COL19A1: variants seen among roughly 807,000 people sequenced by gnomAD.
COL19A1 encodes the protein collagen type XIX alpha 1 chain.
Under a neutral mutation model 190.2 loss-of-function variants are expected in COL19A1, and 159 were observed. The ratio of observed to expected loss-of-function variants is 0.84; its 90% CI spans 0.73 to 0.95. The LOEUF is 0.95. Among genes scored for constraint, COL19A1 ranks in the 40% least tolerant of loss-of-function variants. COL19A1 has a pLI of 0.00. For missense variants in COL19A1, 1,418 were observed against 1,431.9 expected (o/e 0.99, Z 0.16); for synonymous variants, 509 against 458.9 (o/e 1.11, Z -1.39).
chr6:70,210,971 A>G lies in COL19A1; in HGVS notation c.*3697A>G, dbSNP rs189089670. Among the ~76,000 whole-genome samples the G allele has an allele frequency of 1.3e-5, 2 of 152,102 alleles. No individual in the cohort carries two copies. Among genetic ancestry groups the G allele is most frequent in the African/African-American group, 4.8e-5 (2 of 41,446 alleles). On this transcript the variant is annotated 3_prime_UTR_variant, in exon 51 of 51. Transcript: ENST00000620364. ...GCAGATTAACTAGTCATAACTGTTT[A>G]TACACCACTCTCATATTTTAGTGAT...
At chr6:70,184,391 C>T (rs970405659) in intron 44 of COL19A1, among the ~76,000 whole-genome samples, 1 of 152,128 alleles carries the variant, frequency 6.6e-6, no homozygotes, top group Non-Finnish European at 1.5e-5. Flanking sequence ...TTATAGAGGA[C>T]CATGCATTTT....
At chr6:70,164,123 G>A (rs1246598502) in intron 36 of COL19A1, among the ~76,000 whole-genome samples, 1 of 152,148 alleles carries the variant, frequency 6.6e-6, no homozygotes, top group Non-Finnish European at 1.5e-5. Flanking sequence ...GTCCCTAGAC[G>A]GTCATGGGGG....
At chr6:69,869,757 A>T (rs1206990429) in intron 1 of COL19A1, among the ~76,000 whole-genome samples, 4 of 152,230 alleles carry the variant, frequency 2.6e-5, no homozygotes, top group Non-Finnish European at 5.9e-5. Flanking sequence ...ATCATAGTTC[A>T]GAGAAGTGAG....
At chr6:70,102,385 T>G in intron 16 of COL19A1, among the ~76,000 whole-genome samples, 163 bp downstream of exon 16, 1 of 152,184 alleles carries the variant, frequency 6.6e-6, no homozygotes, top group Non-Finnish European at 1.5e-5. Flanking sequence ...CTCTCTATAT[T>G]CCTAACTCCA....
At position 69,984,686 on chromosome 6, in the gene COL19A1, A is replaced by C. The variant is rs189980855; in HGVS notation, c.1026+21816A>C. 9.0e-3 allele frequency among the ~76,000 whole-genome samples: 1,377 copies of C among 152,274 alleles called. 28 individuals are homozygous for C. The highest frequency in any genetic ancestry group is 0.031 in the African/African-American group (1,303 of 41,552). The stretch of plus-strand genomic sequence containing the variant: ...TGTTTGCCTCCTAGTTTTTTCACAA[A>C]AAGTTAATGAGAAATATATATGCGA... On this transcript the variant is annotated intron_variant, in intron 11 of 50. Transcript: ENST00000620364.
chr6:70,166,327 T>C (rs1765154768), intron 37 of COL19A1, among the ~76,000 whole-genome samples: 1 of 152,190 alleles, frequency 6.6e-6, no homozygotes. Context: ...GCCAGAAAAA[T>C]AGATCCTTTC....
chr6:70,018,617 G>A (rs1778248983), intron 11 of COL19A1, among the ~76,000 whole-genome samples: 1 of 152,208 alleles, frequency 6.6e-6, no homozygotes, highest in Non-Finnish European at 1.5e-5. Flanking sequence ...AACAAGGTCC[G>A]AGACAATGAC....
At chr6:69,973,482 A>C (rs754311724) in intron 11 of COL19A1, among the ~76,000 whole-genome samples, 1 of 152,162 alleles carries the variant, frequency 6.6e-6, no homozygotes, top group African/African-American at 2.4e-5. Context: ...TAGATCTCTT[A>C]GGCAGTCCCT....
At chr6:69,882,019 G>A (rs1462912607) in intron 2 of COL19A1, among the ~76,000 whole-genome samples, 2 of 152,222 alleles carry the variant, frequency 1.3e-5, no homozygotes. Context: ...CCGGAGGGAA[G>A]TGATTACATC....
intron 14 of COL19A1, among the ~76,000 whole-genome samples, chr6:70,063,768 G>C (rs968487321): frequency 1.3e-5 from 2 of 152,052 alleles, no homozygotes; most frequent in African/African-American, 4.8e-5. Context: ...GAATCAAATA[G>C]ATGCAATAAA....
intron 15 of COL19A1, among the ~76,000 whole-genome samples, chr6:70,074,097 G>A (rs969198300): frequency 6.6e-6 from 1 of 152,138 alleles, no homozygotes; most frequent in African/African-American, 2.4e-5. Flanking sequence ...TATTTTTCAA[G>A]TGAAATTGTG....
rs115629317 is a variant in COL19A1, at chr6:70,205,522, G to A, written c.3224-1379G>A. ...ATGCTCTCCTACTGATATCTTTGCT[G>A]TGTGTCCACATGAGTCTGCATGGCT... On this transcript the variant is annotated intron_variant, in intron 49 of 50. Transcript: ENST00000620364. 2.0e-3 allele frequency among the ~76,000 whole-genome samples: 312 copies of A among 152,310 alleles called. 3 individuals are homozygous for A. The highest frequency in any genetic ancestry group is 5.7e-3 in the African/African-American group (238 of 41,568).
At chr6:70,124,712 C>T (rs1000624503) in intron 17 of COL19A1, among the ~76,000 whole-genome samples, 4 of 152,132 alleles carry the variant, frequency 2.6e-5, no homozygotes, top group South Asian at 2.1e-4. Flanking sequence ...ATTTAGTCCA[C>T]GTGTTCTCTA....
intron 22 of COL19A1, 87 bp from the exon 23 acceptor site, chr6:70,142,679 CA>C: frequency 1.7e-6 from 2 of 1,176,342 alleles, no homozygotes; most frequent in Non-Finnish European, 2.4e-6. Flanking sequence ...ACATGAAGAT[CA>C]CACTATTCTT....
intron 41 of COL19A1, among the ~76,000 whole-genome samples, chr6:70,174,464 G>A (rs1182012292): frequency 1.3e-5 from 2 of 152,044 alleles, no homozygotes; most frequent in African/African-American, 4.8e-5. Context: ...GGAGGCTGAG[G>A]CAGAAGAATC....
intron 11 of COL19A1, among the ~76,000 whole-genome samples, chr6:69,973,460 A>C (rs1313513672): frequency 3.3e-5 from 5 of 152,108 alleles, no homozygotes; most frequent in Non-Finnish European, 5.9e-5. Flanking sequence ...TTTTGTATTC[A>C]AAAACAAGGA....
chr6:70,120,884 A>T (rs1274336681), intron 16 of COL19A1, among the ~76,000 whole-genome samples: 3 of 152,244 alleles, frequency 2.0e-5, no homozygotes, highest in African/African-American at 7.2e-5. Flanking sequence ...TGTTACCTGC[A>T]TCAGTGAGTG....
intron 49 of COL19A1, among the ~76,000 whole-genome samples, chr6:70,202,785 A>C (rs990823546): frequency 6.6e-6 from 1 of 152,232 alleles, no homozygotes; most frequent in Non-Finnish European, 1.5e-5. Context: ...AGTGAAAAGA[A>C]AGACCTTTTG....
intron 2 of COL19A1, 125 bp downstream of exon 2, chr6:69,879,783 C>T (rs958687054): frequency 1.1e-5 from 9 of 839,682 alleles, no homozygotes; most frequent in African/African-American, 1.7e-5. Context: ...AATTACAATT[C>T]ATTGCTTTCT....
Sources: gnomAD v4.1 joint callset for allele counts (sites outside exome capture counted in the v4.1 genomes callset) on GRCh38, gnomAD v4.1.1 for gene constraint, MANE v1.5 for transcripts, NCBI Gene and HGNC (gene_info 2026-07-23, HGNC 2026-07-21) for gene names.